The following NAV2 variants were observed in gnomAD, a reference collection of about 807,000 sequenced individuals.
NAV2 encodes helicase, APC down-regulated 1.
A neutral mutation model predicts 223.2 loss-of-function variants in NAV2; 54 were observed. The ratio of observed to expected loss-of-function variants is 0.24; its 90% CI spans 0.19 to 0.30. The LOEUF (loss-of-function observed/expected upper bound fraction) is 0.30. Among genes scored for constraint, NAV2 ranks in the 10% least tolerant of loss-of-function variants. The probability of loss-of-function intolerance (pLI) is 1.00; values close to 1 mark genes in which losing one functional copy is unlikely to be tolerated. For missense variants in NAV2, 2,806 were observed against 3,147.5 expected, an observed-to-expected ratio of 0.89 and a Z score of 2.60; for synonymous variants, 1,279 against 1,239.3, an observed-to-expected ratio of 1.03 and a Z score of -0.67.
chr11:20,035,821 T>G, intron 11 of NAV2, 138 bp from the exon 12 acceptor site: 1 of 929,684 alleles, frequency 1.1e-6, no homozygotes, highest in South Asian at 1.7e-5. Context: ...GAGTCACATC[T>G]GAGTCAAGAG....
At chr11:19,464,500 C>T (rs531460968) in intron 1 of NAV2, among the ~76,000 whole-genome samples, 1 of 152,338 alleles carries the variant, frequency 6.6e-6, no homozygotes, top group African/African-American at 2.4e-5. Flanking sequence ...TGTCCTACTC[C>T]TGGGCAACCT....
rs568437706 is a variant in NAV2 at position 19,517,163 on chromosome 11, C to T, written c.75+166136C>T. On this transcript the variant is annotated intron_variant, in intron 1 of 37. Coordinates refer to the NAV2 transcript ENST00000360655. Reference sequence around the variant, plus strand: ...CTCCCTTCTCCTGGCCTGCGCAGTCCACTTTCTTGGTTTCTCATGCCTGTT... The same window carrying T: ...CTCCCTTCTCCTGGCCTGCGCAGTCTACTTTCTTGGTTTCTCATGCCTGTT... Among the ~76,000 whole-genome samples, 8 of 152,318 alleles carry T rather than the reference C, an allele frequency of 5.3e-5. No individual in the cohort carries two copies. In the East Asian group the frequency reaches 1.4e-3, roughly 26 times the overall value.
At chr11:19,416,690 C>T (rs1423279558) in intron 1 of NAV2, among the ~76,000 whole-genome samples, 1 of 152,202 alleles carries the variant, frequency 6.6e-6, no homozygotes, top group Admixed American at 6.5e-5. Flanking sequence ...TACCTGACTT[C>T]AAACTATATT....
chr11:19,740,568 AAAAAAT>A (rs1224975061), intron 1 of NAV2, among the ~76,000 whole-genome samples: 6 of 152,178 alleles, frequency 3.9e-5, no homozygotes, highest in South Asian at 2.1e-4. Flanking sequence ...AAATACTAAA[AAAAAAT>A]AAAAATAAAA....
intron 1 of NAV2, among the ~76,000 whole-genome samples, chr11:19,795,894 T>C (rs542115699): frequency 4.1e-4 from 62 of 152,334 alleles, no homozygotes; most frequent in African/African-American, 1.4e-3. Flanking sequence ...TTAGGCAATA[T>C]ATACTTTCAT....
intron 6 of NAV2, among the ~76,000 whole-genome samples, chr11:19,927,619 G>A (rs1330439758): frequency 6.6e-6 from 1 of 151,996 alleles, no homozygotes; most frequent in Non-Finnish European, 1.5e-5. Flanking sequence ...ATGTGCCTGT[G>A]GTTCCAGCAG....
At chr11:19,798,754 T>C (rs2058066176) in intron 1 of NAV2, among the ~76,000 whole-genome samples, 1 of 152,200 alleles carries the variant, frequency 6.6e-6, no homozygotes, top group Non-Finnish European at 1.5e-5. Context: ...GAGGTTCTGA[T>C]ATATTATGTA....
intron 1 of NAV2, among the ~76,000 whole-genome samples, chr11:19,428,867 T>A (rs1234627929): frequency 6.6e-6 from 1 of 152,204 alleles, no homozygotes; most frequent in Non-Finnish European, 1.5e-5. Context: ...TTCATCCATA[T>A]CAGGAAAGCT....
chr11:19,997,210 A>G (rs2051989430), intron 11 of NAV2, among the ~76,000 whole-genome samples: 1 of 152,102 alleles, frequency 6.6e-6, no homozygotes, highest in Non-Finnish European at 1.5e-5. Flanking sequence ...GCAAAGTTTG[A>G]CACTAGAAGG....
Position 19,892,605 on chromosome 11 carries a change from T to C in NAV2, c.931+11T>C. 1 of 1,612,210 alleles carries C rather than the reference T, an allele frequency of 6.2e-7. No homozygotes were observed. Among genetic ancestry groups the C allele is most frequent in the Non-Finnish European group, 8.5e-7 (1 of 1,178,876 alleles). ...GCAGCCACGAGAAAGGTGAGTCACC[T>C]TCTTGAGGAGCCTTTTTGGTATTTT... is the stretch of plus-strand genomic sequence containing the variant. On this transcript the variant is annotated intron_variant, in intron 6 of 37. Coordinates refer to ENST00000349880, the MANE Select transcript of NAV2 (RefSeq NM_145117.5).
At chr11:19,855,872 G>GA (rs938660419) in intron 3 of NAV2, among the ~76,000 whole-genome samples, 1 of 152,204 alleles carries the variant, frequency 6.6e-6, no homozygotes, top group Non-Finnish European at 1.5e-5. Flanking sequence ...ACTCCTTTAA[G>GA]AAGGATTTGC....
At chr11:19,559,089 T>A (rs924467306) in intron 1 of NAV2, among the ~76,000 whole-genome samples, 6 of 152,218 alleles carry the variant, frequency 3.9e-5, no homozygotes, top group African/African-American at 1.4e-4. Flanking sequence ...CTTGATGAGA[T>A]GAGTGACTTG....
At chr11:19,673,195 C>T (rs1233887433) in intron 1 of NAV2, among the ~76,000 whole-genome samples, 2 of 152,210 alleles carry the variant, frequency 1.3e-5, no homozygotes, top group Non-Finnish European at 2.9e-5. Context: ...TGTAATGATA[C>T]TTATTACTAT....
chr11:19,532,755 G>T (rs1475622326), intron 1 of NAV2, among the ~76,000 whole-genome samples: 1 of 152,190 alleles, frequency 6.6e-6, no homozygotes, highest in Non-Finnish European at 1.5e-5. Flanking sequence ...GCATGTGGCT[G>T]GAGCCCAAGG....
chr11:20,079,064 G>A (rs1013513154), intron 24 of NAV2, among the ~76,000 whole-genome samples: 4 of 151,900 alleles, frequency 2.6e-5, no homozygotes, highest in East Asian at 1.9e-4. Context: ...TTTTTGAGAC[G>A]GAGTTTCACT....
chr11:19,667,775 G>T (rs1467091599), intron 1 of NAV2, among the ~76,000 whole-genome samples: 2 of 152,172 alleles, frequency 1.3e-5, no homozygotes, highest in Non-Finnish European at 2.9e-5. Context: ...TAAAGCAGTG[G>T]TCCATGGGTT....
chr11:20,102,810 C>T (rs572367602), intron 32 of NAV2, among the ~76,000 whole-genome samples: 2 of 152,252 alleles, frequency 1.3e-5, no homozygotes, highest in South Asian at 4.1e-4. Context: ...GCCCTTTCAG[C>T]AGGACTTCCC....
chr11:20,030,318 C>A (rs577017052), intron 11 of NAV2, among the ~76,000 whole-genome samples: 76 of 152,212 alleles, frequency 5.0e-4, no homozygotes, highest in African/African-American at 1.6e-3. Context: ...AAAGATGAAA[C>A]CTGCTTTAAT....
intron 1 of NAV2, among the ~76,000 whole-genome samples, chr11:19,470,930 A>G (rs935956594): frequency 2.6e-5 from 4 of 152,142 alleles, no homozygotes; most frequent in African/African-American, 9.7e-5. Context: ...AAGGGAGCCC[A>G]GATAATGTAG....
Sources: allele counts gnomAD v4.1 joint callset (sites outside exome capture counted in the v4.1 genomes callset), GRCh38; gene constraint gnomAD v4.1.1; transcripts MANE v1.5; gene names NCBI Gene and HGNC (gene_info 2026-07-23, HGNC 2026-07-21).